Variants in FER observed in about 807,000 individuals in gnomAD.
The protein encoded by FER is FER tyrosine kinase, also known as tyrosine-protein kinase Fer.
FER carries 63 observed loss-of-function variants against 111.0 expected under a neutral mutation model. The ratio of observed to expected loss-of-function variants is 0.57; its 90% CI spans 0.46 to 0.70. The LOEUF (loss-of-function observed/expected upper bound fraction) is 0.70, where lower values mean the gene tolerates loss of function less well. FER is among the 30% of genes least tolerant of loss of function. The pLI, the probability that FER is intolerant of heterozygous loss-of-function variation, is 0.00. For missense variants in FER, 914 were observed against 954.0 expected, an observed-to-expected ratio of 0.96 and a Z score of 0.55; for synonymous variants, 327 against 313.9, an observed-to-expected ratio of 1.04 and a Z score of -0.44.
chr5:109,018,853 C>G (rs917830858), intron 13 of FER, among the ~76,000 whole-genome samples: 8 of 151,496 alleles, frequency 5.3e-5, no homozygotes, highest in African/African-American at 1.9e-4. Flanking sequence ...TTCCCAAGCC[C>G]TTGTTTGGAC....
intron 16 of FER, among the ~76,000 whole-genome samples, chr5:109,095,531 TC>T (rs1166489300): frequency 6.6e-6 from 1 of 152,088 alleles, no homozygotes; most frequent in Non-Finnish European, 1.5e-5. Context: ...GCAGCCAGTA[TC>T]CTCTGCTTTA....
chr5:109,024,303 A>G (rs1036993980), intron 13 of FER, among the ~76,000 whole-genome samples: 7 of 152,184 alleles, frequency 4.6e-5, no homozygotes, highest in Non-Finnish European at 1.0e-4. Flanking sequence ...TCAGGTTCCA[A>G]CAGCCCAACA....
At chr5:108,851,223 G>A (rs949076110) in intron 5 of FER, among the ~76,000 whole-genome samples, 1 of 152,186 alleles carries the variant, frequency 6.6e-6, no homozygotes, top group Non-Finnish European at 1.5e-5. Flanking sequence ...GACTAGGGAG[G>A]CCTCACAATC....
chr5:109,012,644 C>G (rs912004287), intron 13 of FER, among the ~76,000 whole-genome samples: 10 of 152,166 alleles, frequency 6.6e-5, no homozygotes, highest in African/African-American at 2.4e-4. Flanking sequence ...ATCTGTAGAA[C>G]TTGATATTGG....
At position 109,169,803 on chromosome 5, in the gene FER, C is replaced by G. The variant is rs78890697; in HGVS notation, c.2049-10944C>G. On this transcript the variant is annotated intron_variant, in intron 17 of 19. Transcript: ENST00000281092. ...AGAAAACCAGAGGTAAATGTGCAAG[C>G]TGACCATGTAGCTGTGTCTGGTTGG... 6.9e-3 allele frequency among the ~76,000 whole-genome samples: 1,047 copies of G among 152,296 alleles called. 18 individuals are homozygous for G. Among genetic ancestry groups the G allele is most frequent in the African/African-American group, 0.024 (1,002 of 41,564 alleles).
intron 2 of FER, among the ~76,000 whole-genome samples, chr5:108,785,801 C>T (rs139071167): frequency 6.6e-4 from 101 of 152,308 alleles, no homozygotes; most frequent in African/African-American, 2.3e-3. Flanking sequence ...CTGGGAAAAA[C>T]CAGGTCTGTG....
At chr5:108,768,833 T>TA (rs1306857145) in intron 2 of FER, among the ~76,000 whole-genome samples, 1 of 151,990 alleles carries the variant, frequency 6.6e-6, no homozygotes, top group East Asian at 1.9e-4. Context: ...ATACAATTTT[T>TA]TTTTTTTTTG....
At position 109,177,983 on chromosome 5, in the gene FER, C is replaced by G. The variant is rs146580380; in HGVS notation, c.2049-2764C>G. ...GAAGAGGCTGGGAGTACTAGTGTGT[C>G]TCCCAAAGTGTGACTCAGAACTGGG... is the stretch of plus-strand genomic sequence containing the variant. On this transcript the variant is annotated intron_variant, in intron 17 of 19. Transcript: ENST00000281092. Among the ~76,000 whole-genome samples, 13 of 152,282 alleles carry G rather than the reference C, an allele frequency of 8.5e-5. No homozygotes were observed. In the East Asian group the frequency reaches 2.5e-3, roughly 29 times the overall value.
At chr5:109,163,056 G>C (rs1177205401) in intron 17 of FER, among the ~76,000 whole-genome samples, 1 of 151,990 alleles carries the variant, frequency 6.6e-6, no homozygotes, top group Non-Finnish European at 1.5e-5. Context: ...CTGTAGCTTA[G>C]ATGTTTCTAA....
At chr5:109,016,282 GA>G (rs572644287) in intron 13 of FER, among the ~76,000 whole-genome samples, 217 of 152,112 alleles carry the variant, frequency 1.4e-3, no homozygotes, top group Non-Finnish European at 2.5e-3. Context: ...TCTATAGGCT[GA>G]TGATAAGCTT....
intron 13 of FER, among the ~76,000 whole-genome samples, chr5:108,985,336 A>G (rs983058569): frequency 2.0e-5 from 3 of 152,140 alleles, no homozygotes; most frequent in Admixed American, 1.3e-4. Context: ...AGTAATATAA[A>G]TTGTTCTACT....
At chr5:108,808,624 A>G (rs567327445) in intron 3 of FER, among the ~76,000 whole-genome samples, 4 of 152,026 alleles carry the variant, frequency 2.6e-5, no homozygotes, top group African/African-American at 9.6e-5. Flanking sequence ...AATATGTAAG[A>G]TTTTGATCCT....
chr5:109,037,561 T>C, intron 14 of FER, 83 bp downstream of exon 14: 1 of 1,091,682 alleles, frequency 9.2e-7, no homozygotes, highest in Non-Finnish European at 1.4e-6. Context: ...CCTCAAAGCT[T>C]TTCTTATATT....
chr5:109,132,743 A>G (rs1752489398), intron 17 of FER, among the ~76,000 whole-genome samples: 2 of 152,178 alleles, frequency 1.3e-5, no homozygotes, highest in African/African-American at 4.8e-5. Context: ...ACTGACTGAA[A>G]AAGAATGCTG....
rs1005568104 is a variant in FER at position 109,100,319 on chromosome 5, C to G, written c.1925-77C>G. ...AATGCATTTTGCTCTGTCAAATATT[C>G]CTAATAGATCCAAATAGATGATAAA... On this transcript the variant is annotated intron_variant, in intron 16 of 19. Coordinates refer to ENST00000281092, the MANE Select transcript of FER (RefSeq NM_005246.4). 63 of 1,553,632 alleles carry G rather than the reference C, an allele frequency of 4.1e-5. No individual in the cohort carries two copies. In the Admixed American group the frequency reaches 1.1e-3, roughly 27 times the overall value.
intron 17 of FER, among the ~76,000 whole-genome samples, chr5:109,113,566 A>T (rs775947167): frequency 5.9e-5 from 9 of 152,252 alleles, no homozygotes; most frequent in African/African-American, 9.6e-5. Context: ...CAAGCTACTG[A>T]GTTCTTCTGA....
intron 17 of FER, among the ~76,000 whole-genome samples, chr5:109,124,132 T>G (rs1033860390): frequency 2.0e-5 from 3 of 151,148 alleles, no homozygotes; most frequent in Non-Finnish European, 4.4e-5. Flanking sequence ...AAGGCTGAGG[T>G]GGGAAAATTG....
chr5:109,085,113 G>A (rs1190503100), intron 16 of FER, among the ~76,000 whole-genome samples: 1 of 151,752 alleles, frequency 6.6e-6, no homozygotes, highest in African/African-American at 2.4e-5. Flanking sequence ...CAACAAAAAA[G>A]CCTCCTGGGA....
At chr5:108,968,636 C>A (rs562795793) in intron 13 of FER, among the ~76,000 whole-genome samples, 50 of 151,534 alleles carry the variant, frequency 3.3e-4, no homozygotes, top group African/African-American at 1.0e-3. Context: ...GAAAATCAAA[C>A]CCACAATCAA....
Sources: allele counts gnomAD v4.1 joint callset (sites outside exome capture counted in the v4.1 genomes callset), GRCh38; gene constraint gnomAD v4.1.1; transcripts MANE v1.5; gene names NCBI Gene and HGNC (gene_info 2026-07-23, HGNC 2026-07-21).